Variants in MFSD8 observed in about 807,000 individuals in gnomAD.
The protein encoded by MFSD8 is major facilitator superfamily domain containing 8, also known as major facilitator superfamily domain-containing protein 8.
Under a neutral mutation model 66.4 loss-of-function variants are expected in MFSD8, and 55 were observed. That is an observed-to-expected ratio of 0.83 (90% CI 0.67 to 1.04). The LOEUF is 1.04. MFSD8 is among the 50% of genes least tolerant of loss of function. The pLI, the probability that MFSD8 is intolerant of heterozygous loss-of-function variation, is 0.00. For synonymous variants in MFSD8, 202 were observed against 212.8 expected, an observed-to-expected ratio of 0.95 and a Z score of 0.44; for missense variants, 550 against 627.6, an observed-to-expected ratio of 0.88 and a Z score of 1.32.
intron 3 of MFSD8, among the ~76,000 whole-genome samples, chr4:127,946,720 G>T (rs1578927047): frequency 6.6e-6 from 1 of 152,034 alleles, no homozygotes; most frequent in Non-Finnish European, 1.5e-5. Context: ...TTTGAGACCA[G>T]CCTGGTCAAC....
chr4:127,948,054 C>T (rs1000712893), intron 3 of MFSD8, among the ~76,000 whole-genome samples: 18 of 151,866 alleles, frequency 1.2e-4, no homozygotes, highest in African/African-American at 4.1e-4. Flanking sequence ...TGAATGTGTC[C>T]CCCAAATTTC....
chr4:127,947,210 C>T (rs1434014498), intron 3 of MFSD8, among the ~76,000 whole-genome samples: 1 of 151,608 alleles, frequency 6.6e-6, no homozygotes, highest in East Asian at 1.9e-4. Context: ...GCCAACATGC[C>T]GAAAACCCAC....
intron 7 of MFSD8, among the ~76,000 whole-genome samples, chr4:127,936,564 A>T (rs1013149840): frequency 6.6e-6 from 1 of 152,112 alleles, no homozygotes; most frequent in Admixed American, 6.5e-5. Flanking sequence ...TGTCTCTATT[A>T]AAGAAAAAAA....
intron 7 of MFSD8, among the ~76,000 whole-genome samples, chr4:127,935,992 T>C (rs527533691): frequency 2.0e-5 from 3 of 152,190 alleles, no homozygotes; most frequent in Non-Finnish European, 4.4e-5. Flanking sequence ...TTAGTAAATA[T>C]ACAGGAGACC....
intron 2 of MFSD8, among the ~76,000 whole-genome samples, chr4:127,951,794 T>C (rs1742018160): frequency 6.6e-6 from 1 of 150,450 alleles, no homozygotes; most frequent in Non-Finnish European, 1.5e-5. Flanking sequence ...AGTGGCGCAA[T>C]CTCGGCTCAT....
intron 9 of MFSD8, among the ~76,000 whole-genome samples, chr4:127,922,974 C>A (rs1034742613): frequency 6.6e-6 from 1 of 152,162 alleles, no homozygotes; most frequent in African/African-American, 2.4e-5. Context: ...ATATTCCCAC[C>A]TATAAAGTAT....
At chr4:127,954,977 G>C (rs190715381) in intron 2 of MFSD8, among the ~76,000 whole-genome samples, 1 of 152,130 alleles carries the variant, frequency 6.6e-6, no homozygotes, top group Non-Finnish European at 1.5e-5. Flanking sequence ...GAAAGTTAAC[G>C]TTGGCAAGGA....
At chr4:127,921,072 ATAAAAT>A (rs1736276576) in intron 11 of MFSD8, 1 of 579,164 alleles carries the variant, frequency 1.7e-6, no homozygotes, top group African/African-American at 1.9e-5. Flanking sequence ...CCTGGGAATA[ATAAAAT>A]TGATTAAAAT....
chr4:127,951,875 C>T (rs962856661), intron 2 of MFSD8, among the ~76,000 whole-genome samples: 8 of 151,748 alleles, frequency 5.3e-5, no homozygotes, highest in African/African-American at 1.4e-4. Context: ...ATTACAAGCA[C>T]GTGCCACCAC....
At chr4:127,923,545 A>AT (rs1205674701) in intron 9 of MFSD8, among the ~76,000 whole-genome samples, 29 of 114,536 alleles carry the variant, frequency 2.5e-4, no homozygotes, top group Admixed American at 6.0e-4. Flanking sequence ...TTTATTTTTT[A>AT]TTTTTATTTA....
chr4:127,947,898 A>ACACT (rs777137519), intron 3 of MFSD8, among the ~76,000 whole-genome samples: 177 of 146,932 alleles, frequency 1.2e-3, no homozygotes, highest in African/African-American at 4.1e-3. Flanking sequence ...ACACACACAC[A>ACACT]CTCTCTCTCC....
chr4:127,938,456 G>A lies in MFSD8; in HGVS notation c.754+327C>T, dbSNP rs189937447. Among the ~76,000 whole-genome samples the A allele has an allele frequency of 5.2e-3, 786 of 151,870 alleles. 8 individuals are homozygous for A. The highest frequency in any genetic ancestry group is 0.018 in the African/African-American group (755 of 41,456). On this transcript the variant is annotated intron_variant, in intron 7 of 11. Coordinates refer to ENST00000641686, the MANE Select transcript of MFSD8 (RefSeq NM_001371596.2). ...AAATTAGCCAGGCGTGGCGGCATGC[G>A]CCTGTAGTCCCAGCTACTCAGGAGG...
intron 11 of MFSD8, 152 bp from the exon 12 acceptor site, chr4:127,920,988 A>G (rs1736262690): frequency 1.0e-5 from 7 of 686,836 alleles, no homozygotes; most frequent in Non-Finnish European, 1.7e-5. Context: ...TCCTATAAAT[A>G]TAGCATTTAA....
chr4:127,927,757 G>A (rs1260278422), intron 9 of MFSD8, among the ~76,000 whole-genome samples: 1 of 152,084 alleles, frequency 6.6e-6, no homozygotes, highest in Non-Finnish European at 1.5e-5. Context: ...TACAATCACA[G>A]CTCACTGCAG....
chr4:127,947,863 AACAC>A (rs10648496), intron 3 of MFSD8, among the ~76,000 whole-genome samples: 2,011 of 141,156 alleles, frequency 0.014, 21 homozygotes, highest in African/African-American at 0.027. Flanking sequence ...TGCACGTGTG[AACAC>A]ACACACACAC....
intron 9 of MFSD8, among the ~76,000 whole-genome samples, chr4:127,927,566 G>A (rs1166364074): frequency 6.6e-6 from 1 of 152,160 alleles, no homozygotes; most frequent in East Asian, 1.9e-4. Context: ...CTGTATTTGA[G>A]GAATACTTAA....
In MFSD8 at chr4:127,920,502, T is replaced by TC; in HGVS notation, c.*127dup. On this transcript the variant is annotated 3_prime_UTR_variant, in exon 12 of 12. Coordinates refer to ENST00000641686, the MANE Select transcript of MFSD8 (RefSeq NM_001371596.2). ...ATTCTCTCTGTTATTCAACATATGT[T>TC]CTTGTTCTTCAAAATCTGCAATATC... 1.1e-6 allele frequency: 1 copy of TC among 879,352 alleles called. No homozygotes were observed. Among genetic ancestry groups the TC allele is most frequent in the Non-Finnish European group, 1.9e-6 (1 of 527,560 alleles). 54.5% of individuals were successfully genotyped at this position (879,352 alleles called of 1,614,324 possible). A position where few individuals can be genotyped will look rare whatever the true frequency, so the allele number is the denominator to read the frequency against.
At position 127,943,922 on chromosome 4, in the gene MFSD8, G is replaced by A; in HGVS notation, c.269C>T (p.Ala90Val). 1 of 1,614,142 alleles carries A rather than the reference G, an allele frequency of 6.2e-7. No individual in the cohort carries two copies. Among genetic ancestry groups the A allele is most frequent in the Non-Finnish European group, 8.5e-7 (1 of 1,180,010 alleles). Residue 90 changes from alanine to valine, a missense_variant, in exon 4 of 12, where the codon GCT (alanine) becomes GTT (valine). Transcript: ENST00000641686. ...IASYSLGQMVASPIFGLWSNY... is the reference protein window; with the variant it reads ...IASYSLGQMVVSPIFGLWSNY... ...AGACCATAAACCAAATATAGGTGAA[G>A]CTACCATTTGGCCAAGACTATATGA... is the stretch of plus-strand genomic sequence containing the variant.
intron 7 of MFSD8, among the ~76,000 whole-genome samples, chr4:127,938,448 C>A (rs976732302): frequency 4.6e-5 from 7 of 151,656 alleles, no homozygotes; most frequent in South Asian, 2.1e-4. Context: ...CCAGGCGTGG[C>A]GGCATGCGCC....
Sources: allele counts gnomAD v4.1 joint callset (sites outside exome capture counted in the v4.1 genomes callset), GRCh38; gene constraint gnomAD v4.1.1; transcripts MANE v1.5; gene names NCBI Gene and HGNC (gene_info 2026-07-23, HGNC 2026-07-21).